The following WDPCP variants were observed in gnomAD, a reference collection of about 807,000 sequenced individuals.
The protein encoded by WDPCP is WD repeat containing planar cell polarity effector, also known as WD repeat-containing and planar cell polarity effector protein fritz homolog.
WDPCP carries 71 observed loss-of-function variants against 93.1 expected under a neutral mutation model. The observed-to-expected ratio is 0.76, with a 90% CI of 0.63 to 0.93. The LOEUF (loss-of-function observed/expected upper bound fraction) is 0.93, where lower values mean the gene tolerates loss of function less well. WDPCP is among the 40% of genes least tolerant of loss of function. The pLI is 0.00. For missense variants in WDPCP, 844 were observed against 887.4 expected (o/e 0.95, Z 0.62); for synonymous variants, 315 against 315.0 (o/e 1.00, Z 0.00).
chr2:63,190,636 A>G (rs990588414), intron 14 of WDPCP, among the ~76,000 whole-genome samples: 1 of 152,144 alleles, frequency 6.6e-6, no homozygotes, highest in Non-Finnish European at 1.5e-5. Flanking sequence ...TATATTAACT[A>G]TTTTAAATCT....
At chr2:63,569,241 A>T (rs1199809962) in intron 1 of WDPCP, among the ~76,000 whole-genome samples, 1 of 152,226 alleles carries the variant, frequency 6.6e-6, no homozygotes, top group East Asian at 1.9e-4. Context: ...AATACAAATG[A>T]AAAGTCTATG....
intron 2 of WDPCP, among the ~76,000 whole-genome samples, chr2:63,778,384 T>C (rs1370939214): frequency 6.6e-6 from 1 of 152,098 alleles, no homozygotes; most frequent in Non-Finnish European, 1.5e-5. Context: ...ATTTTTTGTA[T>C]TTTTAGTGGA....
chr2:63,750,516 T>C (rs1669863904), intron 2 of WDPCP, among the ~76,000 whole-genome samples: 1 of 152,130 alleles, frequency 6.6e-6, no homozygotes, highest in South Asian at 2.1e-4. Flanking sequence ...CTTATTGCAA[T>C]AACTAGGACC....
intron 12 of WDPCP, among the ~76,000 whole-genome samples, chr2:63,344,367 G>A (rs1203379216): frequency 6.6e-6 from 1 of 152,038 alleles, no homozygotes; most frequent in African/African-American, 2.4e-5. Flanking sequence ...CCGAGAACTA[G>A]GGCACTCCTT....
At chr2:63,626,880 C>T (rs554002689) in intron 3 of WDPCP, among the ~76,000 whole-genome samples, 28 of 151,610 alleles carry the variant, frequency 1.8e-4, no homozygotes, top group African/African-American at 6.1e-4. Context: ...ATGTAGATGA[C>T]GGGTTGATGG....
intron 9 of WDPCP, among the ~76,000 whole-genome samples, chr2:63,427,502 T>G (rs1281953409): frequency 6.6e-6 from 1 of 152,046 alleles, no homozygotes; most frequent in African/African-American, 2.4e-5. Context: ...GAGTAAACAA[T>G]GAAATTAAGG....
intron 1 of WDPCP, among the ~76,000 whole-genome samples, chr2:63,512,926 A>G (rs2106103014): frequency 6.6e-6 from 1 of 152,206 alleles, no homozygotes; most frequent in Non-Finnish European, 1.5e-5. Flanking sequence ...TCCAGGAAAT[A>G]AGGGATTCAA....
chr2:63,178,859 G>A (rs1674016252), intron 14 of WDPCP, among the ~76,000 whole-genome samples: 1 of 151,884 alleles, frequency 6.6e-6, no homozygotes, highest in Non-Finnish European at 1.5e-5. Flanking sequence ...TTCTCTGTTA[G>A]TACTGTTTTC....
At chr2:63,669,077 T>G (rs897982517) in intron 2 of WDPCP, among the ~76,000 whole-genome samples, 31 of 152,174 alleles carry the variant, frequency 2.0e-4, no homozygotes, top group African/African-American at 6.8e-4. Flanking sequence ...AATGCTTAGG[T>G]CAGTAACACA....
At chr2:63,652,967 C>G (rs766824340) in intron 2 of WDPCP, among the ~76,000 whole-genome samples, 8 of 152,144 alleles carry the variant, frequency 5.3e-5, no homozygotes, top group Non-Finnish European at 8.8e-5. Flanking sequence ...AAGAAACAAC[C>G]ATTCTCAGAT....
intron 2 of WDPCP, among the ~76,000 whole-genome samples, chr2:63,715,888 G>C (rs999199817): frequency 6.6e-6 from 1 of 152,178 alleles, no homozygotes; most frequent in Admixed American, 6.5e-5. Context: ...AATACAGGAA[G>C]AAAAGAAAGA....
At position 63,338,501 on chromosome 2, in the gene WDPCP, G is replaced by A. The variant is rs180992599; in HGVS notation, c.1749-25190C>T. Among the ~76,000 whole-genome samples the A allele has an allele frequency of 1.9e-3, 280 of 145,326 alleles. 1 individual carries two copies. Among genetic ancestry groups the A allele is most frequent in the African/African-American group, 5.5e-3 (220 of 39,738 alleles). ...CAGGAGGTGGAGGTTGCAGTTAGCC[G>A]AGATCGCACCACTGCACTCCAGCCT... On this transcript the variant is annotated intron_variant, in intron 12 of 17. Transcript: ENST00000272321.
At chr2:63,770,951 T>A (rs1412022819) in intron 2 of WDPCP, among the ~76,000 whole-genome samples, 1 of 151,936 alleles carries the variant, frequency 6.6e-6, no homozygotes, top group Non-Finnish European at 1.5e-5. Flanking sequence ...ATCTCTATTA[T>A]CTTTATTATG....
Position 63,484,951 on chromosome 2 carries a change from G to A in WDPCP, c.290C>T (p.Pro97Leu). ...TTTGAGCGAGTCTCGGAGTTTTTCT[G>A]GGCGTCTGTTTTTGAGCGTCCAAGG... ...DYPWTLKNRR[P>L]EKLRDSLKEL... The change falls in exon 5 of 18, where the codon CCA becomes CTA. Residue 97 changes from proline (P) to leucine (L), a missense_variant. Coordinates refer to ENST00000272321, the MANE Select transcript of WDPCP (RefSeq NM_015910.7). The A allele has an allele frequency of 6.2e-7, 1 of 1,612,520 alleles. No homozygotes were observed. Among genetic ancestry groups the A allele is most frequent in the Non-Finnish European group, 8.5e-7 (1 of 1,179,046 alleles).
At chr2:63,707,779 T>C (rs1458969114) in intron 2 of WDPCP, among the ~76,000 whole-genome samples, 1 of 151,946 alleles carries the variant, frequency 6.6e-6, no homozygotes, top group East Asian at 1.9e-4. Flanking sequence ...TGGTCTTTGA[T>C]GATGGTGATG....
At chr2:63,637,325 C>G (rs1184765760) in intron 3 of WDPCP, among the ~76,000 whole-genome samples, 1 of 149,280 alleles carries the variant, frequency 6.7e-6, no homozygotes, top group Admixed American at 6.8e-5. Context: ...GCACTCCAGC[C>G]TAGGTGACAG....
At chr2:63,550,114 C>T (rs1428126525) in intron 1 of WDPCP, among the ~76,000 whole-genome samples, 1 of 151,858 alleles carries the variant, frequency 6.6e-6, no homozygotes, top group African/African-American at 2.4e-5. Context: ...ATACTGGCTT[C>T]TCCTATGTTC....
chr2:63,669,338 A>G (rs1710318415), intron 2 of WDPCP, among the ~76,000 whole-genome samples: 2 of 149,126 alleles, frequency 1.3e-5, no homozygotes, highest in African/African-American at 4.9e-5. Flanking sequence ...ATTCTTCTAC[A>G]ATGTCTAATT....
chr2:63,506,683 G>C (rs1301434874), intron 1 of WDPCP, among the ~76,000 whole-genome samples: 1 of 152,032 alleles, frequency 6.6e-6, no homozygotes, highest in Non-Finnish European at 1.5e-5. Context: ...CTGAAAACAA[G>C]AGAACTGTTT....
Sources: gnomAD v4.1 joint callset for allele counts (sites outside exome capture counted in the v4.1 genomes callset) on GRCh38, gnomAD v4.1.1 for gene constraint, MANE v1.5 for transcripts, NCBI Gene and HGNC (gene_info 2026-07-23, HGNC 2026-07-21) for gene names.